RBFOX3: variants seen among roughly 807,000 people sequenced by gnomAD.
RBFOX3 encodes RNA binding protein fox-1 homolog 3.
In RBFOX3, 17 loss-of-function variants were observed where a neutral mutation model predicts 48.7. That is an observed-to-expected ratio of 0.35 (90% CI 0.24 to 0.52). The LOEUF (loss-of-function observed/expected upper bound fraction) is 0.52. Among genes scored for constraint, RBFOX3 ranks in the 20% least tolerant of loss-of-function variants. RBFOX3 has a pLI of 0.94. For synonymous variants in RBFOX3, 212 were observed against 209.5 expected (o/e 1.01, Z -0.10); for missense variants, 382 against 497.5 (o/e 0.77, Z 2.21).
chr17:79,462,454 C>T (rs2075499088), intron 2 of RBFOX3, among the ~76,000 whole-genome samples: 2 of 152,158 alleles, frequency 1.3e-5, no homozygotes, highest in African/African-American at 4.8e-5. Flanking sequence ...CACAGTTAGC[C>T]CTCAACGTTA....
At chr17:79,513,653 C>T (rs1599010102) in intron 1 of RBFOX3, among the ~76,000 whole-genome samples, 1 of 152,224 alleles carries the variant, frequency 6.6e-6, no homozygotes, top group African/African-American at 2.4e-5. Flanking sequence ...GCCACGTGGC[C>T]TCGGGCAGGC....
intron 1 of RBFOX3, among the ~76,000 whole-genome samples, chr17:79,511,204 G>A (rs1194719806): frequency 2.0e-5 from 3 of 152,152 alleles, no homozygotes; most frequent in Admixed American, 6.5e-5. Flanking sequence ...AAACGGGAAG[G>A]GACTCTCCCT....
At chr17:79,566,235 T>C (rs2092448688) in intron 1 of RBFOX3, among the ~76,000 whole-genome samples, 2 of 152,182 alleles carry the variant, frequency 1.3e-5, no homozygotes, top group South Asian at 4.2e-4. Context: ...TTCAACCAAT[T>C]ACGAATGATG....
intron 4 of RBFOX3, among the ~76,000 whole-genome samples, chr17:79,151,810 T>G (rs1429930960): frequency 1.4e-4 from 2 of 14,190 alleles, no homozygotes; most frequent in African/African-American, 3.2e-4. Flanking sequence ...GGGGAGGCGA[T>G]GGGAGGGGAC....
At chr17:79,530,908 C>A (rs930111581) in intron 1 of RBFOX3, among the ~76,000 whole-genome samples, 2 of 152,194 alleles carry the variant, frequency 1.3e-5, no homozygotes, top group Non-Finnish European at 2.9e-5. Flanking sequence ...CCAGGCCTGG[C>A]GGGTTAGACG....
rs927317647 is a variant in RBFOX3 at position 79,090,721 on chromosome 17, G to A, written c.*162C>T. The stretch of plus-strand genomic sequence containing the variant: ...CGTGCTCCCTCGGTGCGGGCGTGTG[G>A]CCAGGACGCGGGACTTGGACTTGGT... On this transcript the variant is annotated 3_prime_UTR_variant, in exon 15 of 15. Transcript: ENST00000693108. 1.1e-6 allele frequency: 1 copy of A among 901,294 alleles called. No individual in the cohort carries two copies. Among genetic ancestry groups the A allele is most frequent in the Admixed American group, 2.9e-5 (1 of 34,738 alleles). The allele number at this position is 901,294 out of a possible 1,614,324, so 55.8% of individuals were successfully genotyped here.
At position 79,597,698 on chromosome 17, in the gene RBFOX3, C is replaced by T. The variant is rs986753109; in HGVS notation, c.-320+13128G>A. ...TCCACGGTCACCTACTAAGTACCCC[C>T]CATAGGTAGGGGTTGGCTCCTGCCT... is the stretch of plus-strand genomic sequence containing the variant. On this transcript the variant is annotated intron_variant, in intron 1 of 14. Coordinates refer to ENST00000693108, the MANE Select transcript of RBFOX3 (RefSeq NM_001350451.2). Among the ~76,000 whole-genome samples, 298 of 152,306 alleles carry T rather than the reference C, an allele frequency of 2.0e-3. 2 individuals carry two copies. The highest frequency in any genetic ancestry group is 6.8e-3 in the Middle Eastern group (2 of 294).
In RBFOX3 at chr17:79,332,744, GAC is replaced by G. The variant is rs544406265; in HGVS notation, c.-174-24922_-174-24921del. On this transcript the variant is annotated intron_variant, in intron 2 of 14. Coordinates refer to ENST00000693108, the MANE Select transcript of RBFOX3 (RefSeq NM_001350451.2). ...GAGCCTGAGAGACAAAGAGAGCAGAGACACAGAGAGAGACAGAGAGATAAAGA... is the reference window on the plus strand; with the variant it reads ...GAGCCTGAGAGACAAAGAGAGCAGAGACAGAGAGAGACAGAGAGATAAAGA... Among the ~76,000 whole-genome samples, 347 of 151,544 alleles carry G rather than the reference GAC, an allele frequency of 2.3e-3. 1 individual carries two copies. Among genetic ancestry groups the G allele is most frequent in the African/African-American group, 7.9e-3 (325 of 41,180 alleles).
chr17:79,551,434 G>A lies in RBFOX3; in HGVS notation c.-320+59392C>T, dbSNP rs1237652422. Among the ~76,000 whole-genome samples, 23 of 151,466 alleles carry A rather than the reference G, an allele frequency of 1.5e-4. No individual in the cohort carries two copies. In the South Asian group the frequency reaches 3.6e-3, roughly 24 times the overall value. On this transcript the variant is annotated intron_variant, in intron 1 of 14. Coordinates refer to ENST00000693108, the MANE Select transcript of RBFOX3 (RefSeq NM_001350451.2). ...GGATGGATGGGTGGATAGATGGGTC[G>A]GTGGATGGATGCCTGGTTGAATAGG... is the stretch of plus-strand genomic sequence containing the variant.
intron 4 of RBFOX3, among the ~76,000 whole-genome samples, chr17:79,170,166 AGGAAGGAAGG>A (rs1568273830): frequency 1.4e-5 from 2 of 147,984 alleles, no homozygotes; most frequent in Non-Finnish European, 3.0e-5. Flanking sequence ...AGGAGGAAGG[AGGAAGGAAGG>A]GGAAGGAAGG....
intron 1 of RBFOX3, among the ~76,000 whole-genome samples, chr17:79,540,997 C>T (rs1302265594): frequency 6.6e-6 from 1 of 152,148 alleles, no homozygotes; most frequent in East Asian, 1.9e-4. Flanking sequence ...GGAACTGCTG[C>T]TTAACCCGAG....
chr17:79,195,878 T>C lies in RBFOX3; in HGVS notation c.-34+39888A>G, dbSNP rs1294244412. Among the ~76,000 whole-genome samples, 1 of 152,200 alleles carries C rather than the reference T, an allele frequency of 6.6e-6. No individual in the cohort carries two copies. The highest frequency in any genetic ancestry group is 2.4e-5 in the African/African-American group (1 of 41,450). On this transcript the variant is annotated intron_variant, in intron 4 of 14. Transcript: ENST00000693108. The surrounding 1 kb of genome is among the most constrained non-coding windows in gnomAD (Gnocchi z 5.3). ...TGCATTTGGCTGCTGGGTGAGCTTA[T>C]TGATTTTTCTCTCCGAGGTAGAAGG...
intron 1 of RBFOX3, among the ~76,000 whole-genome samples, chr17:79,551,930 G>T (rs926655371): frequency 6.6e-6 from 1 of 152,156 alleles, no homozygotes; most frequent in Admixed American, 6.5e-5. Flanking sequence ...TTAGAGCAAT[G>T]CAAATGGACT....
chr17:79,372,527 G>A (rs1489946878), intron 2 of RBFOX3, among the ~76,000 whole-genome samples: 9 of 151,680 alleles, frequency 5.9e-5, no homozygotes, highest in African/African-American at 1.7e-4. Flanking sequence ...GCCTGGCCCG[G>A]GCTCCCACCC....
chr17:79,260,516 A>G (rs551018607), intron 3 of RBFOX3, among the ~76,000 whole-genome samples: 1 of 152,308 alleles, frequency 6.6e-6, no homozygotes, highest in African/African-American at 2.4e-5. Context: ...TAGAGCAGAG[A>G]TGCCACTGGC....
At chr17:79,322,603 C>A (rs183243558) in intron 2 of RBFOX3, among the ~76,000 whole-genome samples, 2 of 152,174 alleles carry the variant, frequency 1.3e-5, no homozygotes, top group Non-Finnish European at 2.9e-5. Context: ...TGGCCAAGCA[C>A]GACCCCGAAG....
chr17:79,579,059 T>C (rs1354820751), intron 1 of RBFOX3, among the ~76,000 whole-genome samples: 5 of 152,204 alleles, frequency 3.3e-5, no homozygotes, highest in Non-Finnish European at 5.9e-5. Flanking sequence ...CTCCGTCGCG[T>C]TCCCTCTTCC....
intron 4 of RBFOX3, among the ~76,000 whole-genome samples, chr17:79,127,638 G>A (rs79298755): frequency 0.032 from 4,855 of 152,254 alleles, 106 homozygotes; most frequent in Middle Eastern, 0.088. Context: ...GCGCCCTTGA[G>A]CCCCCGCATC....
intron 4 of RBFOX3, among the ~76,000 whole-genome samples, chr17:79,118,385 G>A (rs76217191): frequency 0.019 from 2,839 of 152,258 alleles, 86 homozygotes; most frequent in African/African-American, 0.064. Context: ...CCCATCGTCC[G>A]TTGTTAGCAA....
Sources: allele counts gnomAD v4.1 joint callset (sites outside exome capture counted in the v4.1 genomes callset), GRCh38; gene constraint gnomAD v4.1.1; non-coding constraint Gnocchi (gnomAD v3.1); transcripts MANE v1.5; gene names NCBI Gene and HGNC (gene_info 2026-07-23, HGNC 2026-07-21).